The following TUBB3 variants were observed in gnomAD, a reference collection of about 807,000 sequenced individuals.
TUBB3 encodes tubulin beta-3 chain.
In TUBB3, 17 loss-of-function variants were observed where a neutral mutation model predicts 37.8. That is an observed-to-expected ratio of 0.45 (90% CI 0.31 to 0.67). The LOEUF (loss-of-function observed/expected upper bound fraction) is 0.67, where lower values mean the gene tolerates loss of function less well. Ranked by LOEUF, TUBB3 falls within the 30% of genes least tolerant of loss-of-function variation. The pLI, the probability that TUBB3 is intolerant of heterozygous loss-of-function variation, is 0.07. For synonymous variants in TUBB3, 332 were observed against 278.9 expected (o/e 1.19, Z -1.90); for missense variants, 262 against 657.9 (o/e 0.40, Z 6.58).
chr16:89,929,463 C>T (rs1034752699), intron 1 of TUBB3, among the ~76,000 whole-genome samples: 1 of 152,160 alleles, frequency 6.6e-6, no homozygotes, highest in African/African-American at 2.4e-5. Flanking sequence ...CAGAGGTGGT[C>T]CATGTCCATG....
chr16:89,934,710 C>A lies in TUBB3; in HGVS notation c.278-19C>A. On this transcript the variant is annotated intron_variant, in intron 3 of 3. Coordinates refer to ENST00000315491, the MANE Select transcript of TUBB3 (RefSeq NM_006086.4). ...AGAGTCCCTGGCCCCTGTCTCTTAC[C>A]CCTCTTCTCCCTGTACAGGTCAGAG... is the stretch of plus-strand genomic sequence containing the variant. 1 of 1,612,666 alleles carries A rather than the reference C, an allele frequency of 6.2e-7. No individual in the cohort carries two copies. Among genetic ancestry groups the A allele is most frequent in the South Asian group, 1.1e-5 (1 of 91,042 alleles).
chr16:89,932,534 G>A (rs1205651983), intron 1 of TUBB3, 37 bp from the exon 2 acceptor site: 1 of 1,570,428 alleles, frequency 6.4e-7, no homozygotes, highest in South Asian at 1.1e-5. Context: ...GGGGCTATGG[G>A]CCGGTGCCGA....
chr16:89,922,296 G>C (rs1205327775), upstream of TUBB3: 1 of 152,428 alleles, frequency 6.6e-6, no homozygotes, highest in South Asian at 2.1e-4. Context: ...TTGGGGGCCG[G>C]GTGGGGTTCG....
In TUBB3 at chr16:89,923,359, C is replaced by T; in HGVS notation, c.-43C>T. 2.8e-6 allele frequency: 4 copies of T among 1,433,610 alleles called. No individual in the cohort carries two copies. Among genetic ancestry groups the T allele is most frequent in the Admixed American group, 2.5e-5 (1 of 40,234 alleles). The allele number at this position is 1,433,610 out of a possible 1,614,324, so 88.8% of individuals were successfully genotyped here. A position where few individuals can be genotyped will look rare whatever the true frequency, so the allele number is the denominator to read the frequency against. On this transcript the variant is annotated 5_prime_UTR_variant, in exon 1 of 4. Transcript: ENST00000315491. ...CCCCGACCCTCAGCAGCCAGCCCGG[C>T]CCGCCCGCGCCCGTCCGCAGCCGCC... is the stretch of plus-strand genomic sequence containing the variant.
At position 89,934,781 on chromosome 16, in the gene TUBB3, G is replaced by T; in HGVS notation, c.330G>T (p.Ala110=). 1.2e-6 allele frequency: 2 copies of T among 1,614,148 alleles called. No homozygotes were observed. The highest frequency in any genetic ancestry group is 1.1e-5 in the South Asian group (1 of 91,074). The change falls in exon 4 of 4, where the codon GCG becomes GCT. Residue 110 remains alanine (A), a synonymous_variant. Transcript: ENST00000315491. ...CCAAGGGTCACTACACGGAGGGGGCGGAGCTGGTGGATTCGGTCCTGGATG... is the reference window on the plus strand; with the variant it reads ...CCAAGGGTCACTACACGGAGGGGGCTGAGCTGGTGGATTCGGTCCTGGATG... The part of the protein sequence containing the change: ...NWAKGHYTEG[A]ELVDSVLDVV...
At chr16:89,927,457 CAATT>C (rs2030127236) in intron 1 of TUBB3, among the ~76,000 whole-genome samples, 1 of 151,878 alleles carries the variant, frequency 6.6e-6, no homozygotes, top group Admixed American at 6.6e-5. Flanking sequence ...ACTACAAAAG[CAATT>C]AATATATTCT....
At chr16:89,928,579 C>T (rs1024036730) in intron 1 of TUBB3, among the ~76,000 whole-genome samples, 5 of 150,682 alleles carry the variant, frequency 3.3e-5, no homozygotes, top group African/African-American at 4.9e-5. Context: ...GGCTGGAGCA[C>T]GGTGGCACAA....
intron 1 of TUBB3, among the ~76,000 whole-genome samples, chr16:89,928,072 A>ATT (rs35576759): frequency 2.4e-4 from 36 of 149,926 alleles, no homozygotes; most frequent in African/African-American, 8.5e-4. Context: ...ACCTTTCTGT[A>ATT]TTTTTTTTTT....
chr16:89,925,713 G>T (rs1296939563), intron 1 of TUBB3, among the ~76,000 whole-genome samples: 1 of 152,180 alleles, frequency 6.6e-6, no homozygotes, highest in Non-Finnish European at 1.5e-5. Flanking sequence ...TGGAATCAAT[G>T]GGAAGTTCCT....
chr16:89,926,533 GC>G (rs2030092635), intron 1 of TUBB3, among the ~76,000 whole-genome samples: 1 of 152,168 alleles, frequency 6.6e-6, no homozygotes, highest in Non-Finnish European at 1.5e-5. Flanking sequence ...CCCGGGCCGA[GC>G]GCCTGGCCTC....
rs1189928228 is a variant in TUBB3 at position 89,935,747 on chromosome 16, A to G, written c.1296A>G (p.Glu432=). Residue 432 remains glutamate (E), a synonymous_variant, in exon 4 of 4, where the codon GAA becomes GAG. Transcript: ENST00000315491. ...YQQYQDATAE[E]EGEMYEDDEE... is the part of the protein sequence containing the mutation. ...AGTACCAGGACGCCACGGCCGAGGA[A>G]GAGGGCGAGATGTACGAAGACGACG... 8 of 1,613,818 alleles carry G rather than the reference A, an allele frequency of 5.0e-6. No homozygotes were observed. The highest frequency in any genetic ancestry group is 1.3e-5 in the African/African-American group (1 of 74,954).
At chr16:89,933,310 G>A in intron 2 of TUBB3, 158 bp from the exon 3 acceptor site, 1 of 766,652 alleles carries the variant, frequency 1.3e-6, no homozygotes, top group African/African-American at 1.7e-5. Flanking sequence ...GGTGAAGAAA[G>A]TTGCTGAAGC....
intron 2 of TUBB3, 41 bp downstream of exon 2, chr16:89,932,720 GAC>G (rs2030321706): frequency 1.3e-6 from 2 of 1,538,762 alleles, no homozygotes; most frequent in African/African-American, 2.7e-5. Context: ...GCCCTGGACT[GAC>G]CAGGTCTCAG....
At position 89,927,456 on chromosome 16, in the gene TUBB3, G is replaced by A. The variant is rs1421296421; in HGVS notation, c.57+3998G>A. ...AATTTTATTAATTTTAACTACAAAA[G>A]CAATTAATATATTCTCCTGGTTAAA... On this transcript the variant is annotated intron_variant, in intron 1 of 3. Transcript: ENST00000315491. Among the ~76,000 whole-genome samples the A allele has an allele frequency of 3.3e-5, 5 of 151,426 alleles. No individual in the cohort carries two copies. The East Asian group carries it at 7.7e-4, about 23-fold the overall frequency.
At position 89,933,884 on chromosome 16, in the gene TUBB3, C is replaced by T. The variant is rs189432424; in HGVS notation, c.277+306C>T. Reference sequence around the variant, plus strand: ...CAGAGGACTCCGGGGTCCAGGAGCACGAGGCCTTGCTGCGGTCAAGAGATC... The same window carrying T: ...CAGAGGACTCCGGGGTCCAGGAGCATGAGGCCTTGCTGCGGTCAAGAGATC... On this transcript the variant is annotated intron_variant, in intron 3 of 3. Transcript: ENST00000315491. 2.8e-4 allele frequency: 184 copies of T among 665,814 alleles called. No homozygotes were observed. In the African/African-American group the frequency reaches 3.0e-3, roughly 11 times the overall value. The allele number at this position is 665,814 out of a possible 1,614,324, so 41.2% of individuals were successfully genotyped here.
At chr16:89,926,393 G>A (rs1361011693) in intron 1 of TUBB3, among the ~76,000 whole-genome samples, 1 of 152,250 alleles carries the variant, frequency 6.6e-6, no homozygotes, top group African/African-American at 2.4e-5. Context: ...GGAGGGGCTT[G>A]GAGGCCCCAG....
chr16:89,934,330 C>A, intron 3 of TUBB3: 2 of 483,950 alleles, frequency 4.1e-6, no homozygotes, highest in Non-Finnish European at 8.1e-6. Context: ...CCGACCGCAG[C>A]ACATCCAGCT....
chr16:89,926,443 C>T (rs2030087538), intron 1 of TUBB3, among the ~76,000 whole-genome samples: 1 of 152,286 alleles, frequency 6.6e-6, no homozygotes, highest in South Asian at 2.1e-4. Flanking sequence ...CTCCCACCTG[C>T]CTTGGCCACT....
At chr16:89,923,969 C>T (rs1484292185) in intron 1 of TUBB3, among the ~76,000 whole-genome samples, 4 of 152,154 alleles carry the variant, frequency 2.6e-5, no homozygotes, top group African/African-American at 9.7e-5. Flanking sequence ...CTCCGACACC[C>T]CTCGGCGTCC....
Sources: gnomAD v4.1 joint callset for allele counts (sites outside exome capture counted in the v4.1 genomes callset) on GRCh38, gnomAD v4.1.1 for gene constraint, MANE v1.5 for transcripts, NCBI Gene and HGNC (gene_info 2026-07-23, HGNC 2026-07-21) for gene names.